Variants in NHLRC2 observed in about 807,000 individuals in gnomAD.
NHLRC2 encodes NHL repeat containing 2.
Under a neutral mutation model 68.1 loss-of-function variants are expected in NHLRC2, and 33 were observed. The ratio of observed to expected loss-of-function variants is 0.48; its 90% CI spans 0.37 to 0.65. The LOEUF is 0.65. NHLRC2 is among the 30% of genes least tolerant of loss of function. NHLRC2 has a pLI of 0.00. For synonymous variants in NHLRC2, 311 were observed against 309.6 expected (o/e 1.00, Z -0.05); for missense variants, 761 against 853.8 (o/e 0.89, Z 1.35).
chr10:113,888,454 T>C (rs1163339999), intron 5 of NHLRC2, among the ~76,000 whole-genome samples: 1 of 152,168 alleles, frequency 6.6e-6, no homozygotes, highest in Non-Finnish European at 1.5e-5. Flanking sequence ...CAATTAAAAA[T>C]TTGAAAAAGA....
intron 5 of NHLRC2, among the ~76,000 whole-genome samples, chr10:113,893,563 A>C (rs539291571): frequency 6.6e-6 from 1 of 152,272 alleles, no homozygotes; most frequent in East Asian, 1.9e-4. Context: ...TATCCTCATA[A>C]GTTGGTATGT....
chr10:113,878,236 A>G (rs372401861), intron 3 of NHLRC2, among the ~76,000 whole-genome samples: 14 of 152,056 alleles, frequency 9.2e-5, no homozygotes, highest in African/African-American at 3.1e-4. Context: ...ATAGTACACA[A>G]TATTTTCCAA....
At chr10:113,877,379 T>G (rs1845994136) in intron 3 of NHLRC2, among the ~76,000 whole-genome samples, 1 of 152,128 alleles carries the variant, frequency 6.6e-6, no homozygotes, top group South Asian at 2.1e-4. Context: ...TTAAAGATCA[T>G]GTCAGTGCCC....
At chr10:113,897,808 CGTT>C (rs1471846968) in intron 5 of NHLRC2, among the ~76,000 whole-genome samples, 8 of 152,184 alleles carry the variant, frequency 5.3e-5, no homozygotes, top group Non-Finnish European at 2.9e-5. Context: ...TGTTAATGCT[CGTT>C]GTAAAATTAA....
chr10:113,911,880 T>A lies in NHLRC2; in HGVS notation c.*3344T>A, dbSNP rs2134747574. On this transcript the variant is annotated 3_prime_UTR_variant, in exon 11 of 11. Coordinates refer to ENST00000369301, the MANE Select transcript of NHLRC2 (RefSeq NM_198514.4). ...TTATTTTAATTCTACTTTGCTGTTT[T>A]TTTTTTCTTTTCAGTGAGCAATCTG... 1 of 152,170 alleles carries A rather than the reference T, an allele frequency of 6.6e-6. No homozygotes were observed. Among genetic ancestry groups the A allele is most frequent in the East Asian group, 1.9e-4 (1 of 5,194 alleles). 9.4% of individuals were successfully genotyped at this position (152,170 alleles called of 1,614,324 possible). A position where few individuals can be genotyped will look rare whatever the true frequency, so the allele number is the denominator to read the frequency against.
rs757120757 is a variant in NHLRC2, at chr10:113,910,687, A to G, written c.*2151A>G. On this transcript the variant is annotated 3_prime_UTR_variant, in exon 11 of 11. Coordinates refer to ENST00000369301, the MANE Select transcript of NHLRC2 (RefSeq NM_198514.4). ...ATCTGAGTTTATTTTTCAATATAAT[A>G]TACAAACACAGTGTTTGTTATACAT... The G allele has an allele frequency of 5.3e-5, 8 of 152,238 alleles. No homozygotes were observed. The highest frequency in any genetic ancestry group is 1.4e-4 in the African/African-American group (6 of 41,460). The allele number at this position is 152,238 out of a possible 1,614,324, so 9.4% of individuals were successfully genotyped here.
intron 1 of NHLRC2, among the ~76,000 whole-genome samples, chr10:113,856,271 C>T (rs1453662549): frequency 6.6e-6 from 1 of 152,184 alleles, no homozygotes; most frequent in Non-Finnish European, 1.5e-5. Flanking sequence ...ACTGAAACCA[C>T]ATGTATAGTT....
intron 2 of NHLRC2, among the ~76,000 whole-genome samples, chr10:113,874,442 T>G (rs902458834): frequency 3.2e-5 from 4 of 125,652 alleles, no homozygotes; most frequent in African/African-American, 1.2e-4. Flanking sequence ...AGGCATGTGT[T>G]TGTGTGTGTG....
At chr10:113,864,438 G>T (rs752327779) in intron 2 of NHLRC2, among the ~76,000 whole-genome samples, 2 of 152,084 alleles carry the variant, frequency 1.3e-5, no homozygotes, top group African/African-American at 4.8e-5. Flanking sequence ...GGTGTCTCAC[G>T]CCTATAATCC....
intron 2 of NHLRC2, 56 bp downstream of exon 2, chr10:113,858,736 G>A (rs1462506105): frequency 1.5e-6 from 2 of 1,295,590 alleles, no homozygotes; most frequent in Non-Finnish European, 1.1e-6. Flanking sequence ...CACTGGAAGA[G>A]TGGCTGACTC....
At chr10:113,860,316 C>A (rs1845803150) in intron 2 of NHLRC2, among the ~76,000 whole-genome samples, 1 of 152,164 alleles carries the variant, frequency 6.6e-6, no homozygotes, top group African/African-American at 2.4e-5. Flanking sequence ...TAAGCAGATT[C>A]AGTGACTTCC....
chr10:113,879,478 TA>T (rs1032140074), intron 3 of NHLRC2, 95 bp from the exon 4 acceptor site: 1 of 1,097,394 alleles, frequency 9.1e-7, no homozygotes, highest in African/African-American at 1.6e-5. Context: ...ACCATTTTTT[TA>T]TATTAAAATC....
chr10:113,896,732 C>T (rs566294524), intron 5 of NHLRC2, among the ~76,000 whole-genome samples: 171 of 151,964 alleles, frequency 1.1e-3, no homozygotes, highest in Non-Finnish European at 2.1e-3. Context: ...GGCTCATGAG[C>T]GCCTGTAATC....
At chr10:113,888,442 G>C (rs1170578616) in intron 5 of NHLRC2, among the ~76,000 whole-genome samples, 1 of 151,986 alleles carries the variant, frequency 6.6e-6, no homozygotes, top group African/African-American at 2.4e-5. Flanking sequence ...ATTATTATTG[G>C]TCAATTAAAA....
rs1182529674 is a variant in NHLRC2, at chr10:113,908,447, A to G, written c.2092A>G (p.Met698Val). ...TAGTGCAGACAGCAGTGCTTGTATGATGAAGGCAATTTTGTTCAGTCAGCC... is the reference window on the plus strand; with the variant it reads ...TAGTGCAGACAGCAGTGCTTGTATGGTGAAGGCAATTTTGTTCAGTCAGCC... Reference protein sequence around the residue: ...YCSADSSACMMKAILFSQPLQ... With the variant: ...YCSADSSACMVKAILFSQPLQ... Residue 698 changes from methionine (M) to valine (V), a missense_variant, in exon 11 of 11, where the codon ATG (methionine) becomes GTG (valine). Coordinates refer to ENST00000369301, the MANE Select transcript of NHLRC2 (RefSeq NM_198514.4). The G allele has an allele frequency of 1.2e-6, 2 of 1,613,994 alleles. No individual in the cohort carries two copies. The highest frequency in any genetic ancestry group is 1.7e-6 in the Non-Finnish European group (2 of 1,179,882).
Position 113,909,668 on chromosome 10 carries a change from C to T in NHLRC2, c.*1132C>T, listed in dbSNP as rs1846307347. The T allele has an allele frequency of 6.6e-6, 1 of 151,650 alleles. No homozygotes were observed. Among genetic ancestry groups the T allele is most frequent in the Non-Finnish European group, 1.5e-5 (1 of 67,890 alleles). The allele number at this position is 151,650 out of a possible 1,614,324, so 9.4% of individuals were successfully genotyped here. ...TTTTTTAATTTTTGTTGTTTTTTAT[C>T]CCTAAAAAAAGATATTGGAAAGGTT... On this transcript the variant is annotated 3_prime_UTR_variant, in exon 11 of 11. Coordinates refer to ENST00000369301, the MANE Select transcript of NHLRC2 (RefSeq NM_198514.4).
chr10:113,871,723 G>T (rs773379963), intron 2 of NHLRC2, among the ~76,000 whole-genome samples: 20 of 152,124 alleles, frequency 1.3e-4, no homozygotes, highest in Non-Finnish European at 2.8e-4. Flanking sequence ...CTACTTCTGG[G>T]TTTGGAGGAG....
chr10:113,888,984 G>C (rs988889015), intron 5 of NHLRC2, among the ~76,000 whole-genome samples: 2 of 151,814 alleles, frequency 1.3e-5, no homozygotes, highest in Non-Finnish European at 2.9e-5. Context: ...GCACCACCAT[G>C]CCTGGCTAAT....
In NHLRC2 at chr10:113,916,845, T is replaced by C. The variant is rs537489511; in HGVS notation, c.*8309T>C. On this transcript the variant is annotated 3_prime_UTR_variant, in exon 11 of 11. Coordinates refer to ENST00000369301, the MANE Select transcript of NHLRC2 (RefSeq NM_198514.4). ...GATTAAAAATGCAGCGAAAATCCAA[T>C]CTACAAGTTCATATATTGGTATTTC... 6.6e-6 allele frequency: 1 copy of C among 152,222 alleles called. No individual in the cohort carries two copies. The highest frequency in any genetic ancestry group is 1.5e-5 in the Non-Finnish European group (1 of 68,030). The allele number at this position is 152,222 out of a possible 1,614,324, so 9.4% of individuals were successfully genotyped here. A position where few individuals can be genotyped will look rare whatever the true frequency, so the allele number is the denominator to read the frequency against.
Sources: gnomAD v4.1 joint callset for allele counts (sites outside exome capture counted in the v4.1 genomes callset) on GRCh38, gnomAD v4.1.1 for gene constraint, MANE v1.5 for transcripts, NCBI Gene and HGNC (gene_info 2026-07-23, HGNC 2026-07-21) for gene names.